RAB14: variants seen among roughly 807,000 people sequenced by gnomAD.
RAB14 encodes RAB14, member RAS oncogene family.
RAB14 carries 3 observed loss-of-function variants against 31.1 expected under a neutral mutation model. The observed-to-expected ratio is 0.10, with a 90% CI of 0.04 to 0.25. The LOEUF (loss-of-function observed/expected upper bound fraction) is 0.25. Among genes scored for constraint, RAB14 ranks in the 10% least tolerant of loss-of-function variants. The probability of loss-of-function intolerance (pLI) is 1.00; values close to 1 mark genes in which losing one functional copy is unlikely to be tolerated. For synonymous variants in RAB14, 85 were observed against 84.9 expected (o/e 1.00, Z 0.00); for missense variants, 111 against 260.1 (o/e 0.43, Z 3.94).
chr9:121,190,154 C>T (rs1437182057), intron 4 of RAB14, among the ~76,000 whole-genome samples: 1 of 152,116 alleles, frequency 6.6e-6, no homozygotes, highest in Non-Finnish European at 1.5e-5. Flanking sequence ...TAGCAAAACT[C>T]TTTGCTTGGC....
intron 1 of RAB14, among the ~76,000 whole-genome samples, chr9:121,195,684 T>C (rs1186584597): frequency 6.6e-6 from 1 of 152,062 alleles, no homozygotes. Context: ...ACACCACACA[T>C]TTTTCTTGCT....
chr9:121,183,227 C>CA (rs3215744), intron 6 of RAB14, 84 bp downstream of exon 6: 429,511 of 1,080,410 alleles, frequency 0.4, 77,426 homozygotes, highest in South Asian at 0.59. Context: ...AAAAAAAATG[C>CA]AAAAAAAAAC....
At chr9:121,191,585 T>C (rs1359148901) in intron 3 of RAB14, among the ~76,000 whole-genome samples, 2 of 152,160 alleles carry the variant, frequency 1.3e-5, no homozygotes. Flanking sequence ...TTCCTTATAA[T>C]GAGGCCACTT....
chr9:121,182,855 A>C, intron 7 of RAB14, 75 bp downstream of exon 7: 73 of 1,303,038 alleles, frequency 5.6e-5, no homozygotes, highest in Non-Finnish European at 7.3e-5. Context: ...TATACATTAT[A>C]TACTTTTCAT....
At chr9:121,187,573 T>C (rs910245264) in intron 4 of RAB14, among the ~76,000 whole-genome samples, 2 of 152,068 alleles carry the variant, frequency 1.3e-5, no homozygotes, top group African/African-American at 4.8e-5. Flanking sequence ...TTGAAGACAT[T>C]TGACAAGAAT....
At chr9:121,186,372 G>C (rs2053659250) in intron 5 of RAB14, among the ~76,000 whole-genome samples, 1 of 152,076 alleles carries the variant, frequency 6.6e-6, no homozygotes, top group Non-Finnish European at 1.5e-5. Flanking sequence ...AAGCTCTTTG[G>C]GACCAAGGAT....
Position 121,181,237 on chromosome 9 carries a change from A to C in RAB14, c.*159T>G, listed in dbSNP as rs111253594. 1 of 664,128 alleles carries C rather than the reference A, an allele frequency of 1.5e-6. No individual in the cohort carries two copies. The highest frequency in any genetic ancestry group is 5.2e-5 in the South Asian group (1 of 19,060). 41.1% of individuals were successfully genotyped at this position (664,128 alleles called of 1,614,324 possible). ...ATAACCTGATTACATCTAGTTGTTT[A>C]GCAGTTTAGTATTGTGTTAAACTGT... On this transcript the variant is annotated 3_prime_UTR_variant, in exon 8 of 8. Transcript: ENST00000373840.
rs3838268 is a variant in RAB14 at position 121,181,744 on chromosome 9, CT to C, written c.471-172del. Among the ~76,000 whole-genome samples, 298 of 102,912 alleles carry C rather than the reference CT, an allele frequency of 2.9e-3. 1 individual carries two copies. The highest frequency in any genetic ancestry group is 0.028 in the East Asian group (97 of 3,448). The allele number at this position is 102,912 out of a possible 152,430, so 67.5% of individuals were successfully genotyped here. A position where few individuals can be genotyped will look rare whatever the true frequency, so the allele number is the denominator to read the frequency against. On this transcript the variant is annotated intron_variant, in intron 7 of 7. Coordinates refer to ENST00000373840, the MANE Select transcript of RAB14 (RefSeq NM_016322.4). ...TAAGAGAACATGGAAAACTATTTTC[CT>C]TTTTTTTTTTTTTTTTTTTTTGAGA...
rs1398993526 is a variant in RAB14, at chr9:121,179,503, T to G, written c.*1893A>C. Reference sequence around the variant, plus strand: ...GCTACCTTATATCCCAATGGGTGGTTTGTTTGTTTTGTTTTTGTAAATATA... The same window carrying G: ...GCTACCTTATATCCCAATGGGTGGTGTGTTTGTTTTGTTTTTGTAAATATA... On this transcript the variant is annotated 3_prime_UTR_variant, in exon 8 of 8. Transcript: ENST00000373840. 6.6e-6 allele frequency: 1 copy of G among 152,096 alleles called. No individual in the cohort carries two copies. Among genetic ancestry groups the G allele is most frequent in the Non-Finnish European group, 1.5e-5 (1 of 67,710 alleles). The allele number at this position is 152,096 out of a possible 1,614,324, so 9.4% of individuals were successfully genotyped here.
intron 5 of RAB14, among the ~76,000 whole-genome samples, chr9:121,184,742 C>T (rs2053650504): frequency 6.6e-6 from 1 of 152,102 alleles, no homozygotes; most frequent in Non-Finnish European, 1.5e-5. Flanking sequence ...ACAGTGTGGA[C>T]AAAGTGCCCA....
At chr9:121,198,043 A>ACT in intron 1 of RAB14, among the ~76,000 whole-genome samples, 1 of 151,688 alleles carries the variant, frequency 6.6e-6, no homozygotes, top group Non-Finnish European at 1.5e-5. Flanking sequence ...ACACACACAC[A>ACT]CTCAACCCTA....
At position 121,197,803 on chromosome 9, in the gene RAB14, G is replaced by A. The variant is rs563808547; in HGVS notation, c.-8+3836C>T. Among the ~76,000 whole-genome samples the A allele has an allele frequency of 7.6e-4, 116 of 152,212 alleles. 2 individuals carry two copies. The highest frequency in any genetic ancestry group is 2.6e-3 in the African/African-American group (108 of 41,548). On this transcript the variant is annotated intron_variant, in intron 1 of 7. Coordinates refer to ENST00000373840, the MANE Select transcript of RAB14 (RefSeq NM_016322.4). ...AAAAGCTTCAGCCCATAAGGCTACA[G>A]GTATTAGTGCATTTAATGCACCATT...
At chr9:121,191,356 G>A (rs953878980) in intron 3 of RAB14, among the ~76,000 whole-genome samples, 1 of 151,924 alleles carries the variant, frequency 6.6e-6, no homozygotes, top group Admixed American at 6.6e-5. Context: ...ATATATTTTA[G>A]AGACAGGGTC....
chr9:121,195,614 T>G (rs2053711092), intron 1 of RAB14, among the ~76,000 whole-genome samples: 1 of 152,160 alleles, frequency 6.6e-6, no homozygotes, highest in Non-Finnish European at 1.5e-5. Context: ...TAGTAGAAAC[T>G]ATTTCCAAAT....
chr9:121,190,861 G>A lies in RAB14; in HGVS notation c.107-130C>T, dbSNP rs1182380749. On this transcript the variant is annotated intron_variant, in intron 3 of 7. Coordinates refer to ENST00000373840, the MANE Select transcript of RAB14 (RefSeq NM_016322.4). ...AGGCTATAAATAGACTAAAGCTACCGCTAAAAAAAAAATTAACAAACACCC... is the reference window on the plus strand; with the variant it reads ...AGGCTATAAATAGACTAAAGCTACCACTAAAAAAAAAATTAACAAACACCC... 20 of 840,122 alleles carry A rather than the reference G, an allele frequency of 2.4e-5. 1 individual carries two copies. The highest frequency in any genetic ancestry group is 1.1e-4 in the South Asian group (5 of 46,302). The allele number at this position is 840,122 out of a possible 1,614,324, so 52.0% of individuals were successfully genotyped here. A position where few individuals can be genotyped will look rare whatever the true frequency, so the allele number is the denominator to read the frequency against.
At chr9:121,201,020 A>C (rs1260619175) in intron 1 of RAB14, among the ~76,000 whole-genome samples, 1 of 152,182 alleles carries the variant, frequency 6.6e-6, no homozygotes, top group African/African-American at 2.4e-5. Context: ...GGAACGCACC[A>C]AAACCAGGAC....
chr9:121,180,055 T>TAA lies in RAB14; in HGVS notation c.*1339_*1340dup, dbSNP rs1437947659. The TAA allele has an allele frequency of 1.3e-5, 2 of 152,646 alleles. No homozygotes were observed. Among genetic ancestry groups the TAA allele is most frequent in the Non-Finnish European group, 2.9e-5 (2 of 68,032 alleles). 9.5% of individuals were successfully genotyped at this position (152,646 alleles called of 1,614,324 possible). ...AGTGGCCAAACCACCTGGTGCAAAG[T>TAA]AATAACTTACTTTGTATCAGCACAA... On this transcript the variant is annotated 3_prime_UTR_variant, in exon 8 of 8. Coordinates refer to ENST00000373840, the MANE Select transcript of RAB14 (RefSeq NM_016322.4).
chr9:121,192,903 C>A (rs1259839763), intron 2 of RAB14, among the ~76,000 whole-genome samples: 1 of 151,972 alleles, frequency 6.6e-6, no homozygotes, highest in Non-Finnish European at 1.5e-5. Context: ...TTAATTTGAG[C>A]AAAACCTTCT....
At chr9:121,195,814 ACAACAGGTCTTCC>A (rs1352456138) in intron 1 of RAB14, among the ~76,000 whole-genome samples, 2 of 152,118 alleles carry the variant, frequency 1.3e-5, no homozygotes, top group Admixed American at 6.5e-5. Context: ...ACCAACACTC[ACAACAGGTCTTCC>A]CTTTCTTATT....
Sources: gnomAD v4.1 joint callset for allele counts (sites outside exome capture counted in the v4.1 genomes callset) on GRCh38, gnomAD v4.1.1 for gene constraint, MANE v1.5 for transcripts, NCBI Gene and HGNC (gene_info 2026-07-23, HGNC 2026-07-21) for gene names.